LSMEM2: variants seen among roughly 807,000 people sequenced by gnomAD.
LSMEM2 encodes the protein leucine rich single-pass membrane protein 2.
LSMEM2 carries 20 observed loss-of-function variants against 17.3 expected under a neutral mutation model. That is an observed-to-expected ratio of 1.16 (90% confidence interval 0.81 to 1.68). The LOEUF (loss-of-function observed/expected upper bound fraction) is 1.68, where lower values mean the gene tolerates loss of function less well. Ranked by LOEUF, LSMEM2 falls within the 40% of genes most tolerant of loss-of-function variation. The pLI is 0.00. For synonymous variants in LSMEM2, 94 were observed against 97.8 expected (o/e 0.96, Z 0.23); for missense variants, 207 against 214.3 (o/e 0.97, Z 0.21).
At chr3:50,283,604 G>A (rs1412244797) in intron 1 of LSMEM2, among the ~76,000 whole-genome samples, 1 of 149,720 alleles carries the variant, frequency 6.7e-6, no homozygotes, top group Admixed American at 6.6e-5. Flanking sequence ...TCCAGCCTGG[G>A]CGGCAGAGCG....
Position 50,283,948 on chromosome 3 carries a change from A to G in LSMEM2, c.59-2523A>G, listed in dbSNP as rs142021879. Among the ~76,000 whole-genome samples, 871 of 152,248 alleles carry G rather than the reference A, an allele frequency of 5.7e-3. 8 individuals are homozygous for G. The highest frequency in any genetic ancestry group is 0.02 in the African/African-American group (822 of 41,574). ...CAGCTGGGCATGGTGGCTTGCGCCT[A>G]TAATCCCAGCACTTTGGGAGGCCAA... On this transcript the variant is annotated intron_variant, in intron 1 of 3. Coordinates refer to ENST00000316436, the MANE Select transcript of LSMEM2 (RefSeq NM_153215.3).
In LSMEM2 at chr3:50,287,225, T is replaced by TG; in HGVS notation, c.*28dup. ...TGAGATGCCATTTGGATCTGGGGCC[T>TG]GGGGGTGTGTGTTGGTGGGGGAATA... On this transcript the variant is annotated 3_prime_UTR_variant, in exon 4 of 4. Transcript: ENST00000316436. The TG allele has an allele frequency of 2.5e-6, 4 of 1,602,038 alleles. No individual in the cohort carries two copies. The highest frequency in any genetic ancestry group is 3.4e-6 in the Non-Finnish European group (4 of 1,175,092).
At chr3:50,285,728 C>T (rs886821614) in intron 1 of LSMEM2, among the ~76,000 whole-genome samples, 1 of 152,058 alleles carries the variant, frequency 6.6e-6, no homozygotes, top group African/African-American at 2.4e-5. Flanking sequence ...TGGGAAAAAA[C>T]CTTCATATTC....
At chr3:50,285,092 G>A (rs1238537271) in intron 1 of LSMEM2, among the ~76,000 whole-genome samples, 2 of 152,070 alleles carry the variant, frequency 1.3e-5, no homozygotes, top group Non-Finnish European at 2.9e-5. Flanking sequence ...CCAGCACTTT[G>A]GGAGGCCGAG....
intron 1 of LSMEM2, 145 bp from the exon 2 acceptor site, chr3:50,286,326 G>T (rs1352830063): frequency 8.2e-7 from 1 of 1,225,846 alleles, no homozygotes; most frequent in Admixed American, 2.8e-5. Context: ...CAAATCAAGG[G>T]TAATTCCTGA....
upstream of LSMEM2, chr3:50,279,042 G>C: frequency 6.5e-7 from 1 of 1,534,142 alleles, no homozygotes; most frequent in Non-Finnish European, 9.0e-7. Flanking sequence ...TTAGGCCAAG[G>C]CTGGGAGGCA....
Position 50,287,021 on chromosome 3 carries a change from G to A in LSMEM2, c.362-48G>A, listed in dbSNP as rs781859734. ...CTGGTCCTGGGCTGGGTCTGCAGGG[G>A]TCACGGGGTGGCACATGGTCTGATG... On this transcript the variant is annotated intron_variant, in intron 3 of 3. Transcript: ENST00000316436. 23 of 1,609,802 alleles carry A rather than the reference G, an allele frequency of 1.4e-5. No individual in the cohort carries two copies. In the Admixed American group the frequency reaches 2.5e-4, roughly 18 times the overall value.
chr3:50,281,546 G>A (rs1559796397), intron 1 of LSMEM2, among the ~76,000 whole-genome samples: 1 of 151,126 alleles, frequency 6.6e-6, no homozygotes, highest in Non-Finnish European at 1.5e-5. Context: ...AATATTTTTG[G>A]TAGAGACGGG....
At position 50,286,740 on chromosome 3, in the gene LSMEM2, C is replaced by T. The variant is rs144985817; in HGVS notation, c.239C>T (p.Pro80Leu). 7.4e-6 allele frequency: 12 copies of T among 1,614,108 alleles called. No individual in the cohort carries two copies. Among genetic ancestry groups the T allele is most frequent in the Middle Eastern group, 1.6e-4 (1 of 6,084 alleles). ...TGGGATGAGCTGCTGGGCGTTTTGC[C>T]GCCGTCACTGTGTGCCCAGGCTGGC... ...RPWDELLGVL[P>L]PSLCAQAGCS... Residue 80 changes from proline (P) to leucine (L), a missense_variant, in exon 3 of 4, where the codon CCG (proline) becomes CTG (leucine). Transcript: ENST00000316436.
intron 1 of LSMEM2, among the ~76,000 whole-genome samples, chr3:50,285,550 G>C (rs1701497787): frequency 6.6e-6 from 1 of 152,024 alleles, no homozygotes; most frequent in Admixed American, 6.6e-5. Flanking sequence ...TGATGCAGGA[G>C]AATCGCTTGA....
At chr3:50,282,391 A>C (rs1553707879) in intron 1 of LSMEM2, among the ~76,000 whole-genome samples, 1 of 152,158 alleles carries the variant, frequency 6.6e-6, no homozygotes, top group Non-Finnish European at 1.5e-5. Flanking sequence ...GTCAAGAGGC[A>C]GTTTCAAGTA....
chr3:50,284,746 A>G (rs1439052131), intron 1 of LSMEM2, among the ~76,000 whole-genome samples: 1 of 151,158 alleles, frequency 6.6e-6, no homozygotes, highest in East Asian at 1.9e-4. Context: ...AACAAAACAA[A>G]AATCTCAGGC....
In LSMEM2 at chr3:50,287,909, G is replaced by A; in HGVS notation, c.*707G>A. On this transcript the variant is annotated 3_prime_UTR_variant, in exon 4 of 4. Transcript: ENST00000316436. ...GGGGAGCAAGGCCTGAGAAAGGAAA[G>A]GAAGGGAAAGGCCCCCTAGTGCCTG... is the stretch of plus-strand genomic sequence containing the variant. The A allele has an allele frequency of 2.3e-6, 1 of 427,860 alleles. No homozygotes were observed. The highest frequency in any genetic ancestry group is 3.0e-5 in the South Asian group (1 of 33,468). The allele number at this position is 427,860 out of a possible 1,614,324, so 26.5% of individuals were successfully genotyped here. A position where few individuals can be genotyped will look rare whatever the true frequency, so the allele number is the denominator to read the frequency against.
Position 50,287,971 on chromosome 3 carries a change from C to A in LSMEM2, c.*769C>A, listed in dbSNP as rs1701588856. ...TGAGGAAGGCACATATTTAGCCTGG[C>A]CTGAGACAGGACAGGAAGGGGCCAC... On this transcript the variant is annotated 3_prime_UTR_variant, in exon 4 of 4. Transcript: ENST00000316436. 5.3e-6 allele frequency: 3 copies of A among 563,500 alleles called. No homozygotes were observed. The South Asian group carries it at 6.2e-5, about 12-fold the overall frequency. The allele number at this position is 563,500 out of a possible 1,614,324, so 34.9% of individuals were successfully genotyped here. A position where few individuals can be genotyped will look rare whatever the true frequency, so the allele number is the denominator to read the frequency against.
chr3:50,280,404 C>T, intron 1 of LSMEM2, among the ~76,000 whole-genome samples: 1 of 152,126 alleles, frequency 6.6e-6, no homozygotes, highest in East Asian at 1.9e-4. Flanking sequence ...ATCCACCCAC[C>T]TTGGCCTCCC....
intron 1 of LSMEM2, among the ~76,000 whole-genome samples, chr3:50,283,892 G>A (rs1038913175): frequency 2.0e-5 from 3 of 152,164 alleles, no homozygotes; most frequent in Non-Finnish European, 4.4e-5. Context: ...AATGGGCAGA[G>A]GCTTCAAATT....
At chr3:50,286,914 G>A (rs782716703) in intron 3 of LSMEM2, 52 bp downstream of exon 3, 4 of 1,600,948 alleles carry the variant, frequency 2.5e-6, no homozygotes, top group South Asian at 2.2e-5. Flanking sequence ...AGTGGGGACT[G>A]GGAGGCCCTT....
intron 1 of LSMEM2, 91 bp from the exon 2 acceptor site, chr3:50,286,380 T>C (rs1482155074): frequency 8.8e-6 from 13 of 1,477,088 alleles, no homozygotes; most frequent in South Asian, 1.3e-5. Context: ...ACTATCCCTA[T>C]CATCCGCAAG....
At chr3:50,283,790 G>C (rs1701454457) in intron 1 of LSMEM2, among the ~76,000 whole-genome samples, 1 of 151,454 alleles carries the variant, frequency 6.6e-6, no homozygotes, top group African/African-American at 2.4e-5. Flanking sequence ...CAGAGACTCT[G>C]TCTCAAACAA....
Sources: gnomAD v4.1 joint callset for allele counts (sites outside exome capture counted in the v4.1 genomes callset) on GRCh38, gnomAD v4.1.1 for gene constraint, MANE v1.5 for transcripts, NCBI Gene and HGNC (gene_info 2026-07-23, HGNC 2026-07-21) for gene names.